The following SGCZ variants were observed in gnomAD, a reference collection of about 807,000 sequenced individuals.
SGCZ encodes the protein sarcoglycan zeta, also known as zeta-sarcoglycan.
Under a neutral mutation model 41.3 loss-of-function variants are expected in SGCZ, and 40 were observed. The ratio of observed to expected loss-of-function variants is 0.97; its 90% confidence interval spans 0.75 to 1.26. The LOEUF (loss-of-function observed/expected upper bound fraction) is 1.26, where lower values mean the gene tolerates loss of function less well. SGCZ is among the 50% of genes most tolerant of loss of function. The pLI is 0.00. For missense variants in SGCZ, 552 were observed against 369.8 expected, an observed-to-expected ratio of 1.49 and a Z score of -4.04; for synonymous variants, 206 against 137.5, an observed-to-expected ratio of 1.50 and a Z score of -3.49.
In SGCZ at chr8:14,339,853, G is replaced by A. The variant is rs533949274; in HGVS notation, c.235-15649C>T. Among the ~76,000 whole-genome samples the A allele has an allele frequency of 3.3e-5, 5 of 151,718 alleles. No homozygotes were observed. The East Asian group carries it at 7.8e-4, about 24-fold the overall frequency. ...ACGAATATATTGGAAAAAACACATGGGAATGAAATAATTACTAAAAAGAAT... is the reference window on the plus strand; with the variant it reads ...ACGAATATATTGGAAAAAACACATGAGAATGAAATAATTACTAAAAAGAAT... On this transcript the variant is annotated intron_variant, in intron 2 of 7. Coordinates refer to ENST00000382080, the MANE Select transcript of SGCZ (RefSeq NM_139167.4).
intron 1 of SGCZ, among the ~76,000 whole-genome samples, chr8:14,704,763 C>T (rs190158349): frequency 5.9e-5 from 9 of 151,864 alleles, no homozygotes; most frequent in African/African-American, 1.9e-4. Flanking sequence ...GATGCTACTC[C>T]CTTCCTTCTA....
At chr8:14,552,815 T>G (rs1803913251) in intron 2 of SGCZ, among the ~76,000 whole-genome samples, 1 of 152,034 alleles carries the variant, frequency 6.6e-6, no homozygotes, top group Admixed American at 6.6e-5. Context: ...TTTTCCTAAT[T>G]AATTTAAATA....
intron 2 of SGCZ, among the ~76,000 whole-genome samples, chr8:14,337,158 C>A (rs1292278858): frequency 2.6e-5 from 4 of 152,140 alleles, no homozygotes; most frequent in Non-Finnish European, 4.4e-5. Flanking sequence ...GGCTGGAACT[C>A]CCCAGCTGAT....
chr8:14,530,757 A>G (rs1316116256), intron 2 of SGCZ, among the ~76,000 whole-genome samples: 9 of 148,006 alleles, frequency 6.1e-5, no homozygotes, highest in Non-Finnish European at 1.1e-4. Context: ...CTGAGGCTGG[A>G]CCATCCCTTT....
chr8:14,438,823 A>C (rs1800163896), intron 2 of SGCZ, among the ~76,000 whole-genome samples: 1 of 152,100 alleles, frequency 6.6e-6, no homozygotes, highest in African/African-American at 2.4e-5. Context: ...TTAACATCAT[A>C]TTCTTCGACT....
intron 1 of SGCZ, among the ~76,000 whole-genome samples, chr8:15,103,286 A>T (rs375697165): frequency 1.6e-4 from 24 of 152,204 alleles, no homozygotes; most frequent in African/African-American, 5.3e-4. Context: ...CTGTATACCC[A>T]GCTACTGGGG....
intron 1 of SGCZ, among the ~76,000 whole-genome samples, chr8:15,229,964 CA>C (rs1801891773): frequency 1.3e-5 from 2 of 152,174 alleles, no homozygotes; most frequent in African/African-American, 4.8e-5. Flanking sequence ...GTAATTAAAG[CA>C]TTGCATGCCT....
At chr8:14,752,318 A>G (rs575032461) in intron 1 of SGCZ, among the ~76,000 whole-genome samples, 63 of 152,300 alleles carry the variant, frequency 4.1e-4, no homozygotes, top group African/African-American at 1.5e-3. Flanking sequence ...TATTATGTTT[A>G]TAAATGCAAT....
chr8:14,545,505 A>G (rs1314144336), intron 2 of SGCZ, among the ~76,000 whole-genome samples: 1 of 151,998 alleles, frequency 6.6e-6, no homozygotes, highest in Non-Finnish European at 1.5e-5. Context: ...CTTTTTCTAA[A>G]TGTCCTACTA....
At chr8:14,407,886 G>T (rs1021621476) in intron 2 of SGCZ, among the ~76,000 whole-genome samples, 5 of 152,152 alleles carry the variant, frequency 3.3e-5, no homozygotes, top group African/African-American at 1.2e-4. Context: ...AATGCTGGCT[G>T]TCAGGAGAAA....
At chr8:14,287,002 G>C (rs1800658642) in intron 3 of SGCZ, among the ~76,000 whole-genome samples, 2 of 151,688 alleles carry the variant, frequency 1.3e-5, no homozygotes, top group African/African-American at 4.8e-5. Context: ...GTGCATATTA[G>C]CCATGTTTTT....
chr8:14,835,546 C>CGT (rs1802668147), intron 1 of SGCZ, among the ~76,000 whole-genome samples: 12 of 152,196 alleles, frequency 7.9e-5, no homozygotes, highest in African/African-American at 2.7e-4. Flanking sequence ...CCTTGACACA[C>CGT]CGCTTACCTG....
chr8:14,742,762 C>G (rs1799231770), intron 1 of SGCZ, among the ~76,000 whole-genome samples: 1 of 151,966 alleles, frequency 6.6e-6, no homozygotes, highest in Non-Finnish European at 1.5e-5. Flanking sequence ...TTTTAGTGTA[C>G]AAACATAAGG....
At chr8:14,531,998 A>G (rs1803147148) in intron 2 of SGCZ, among the ~76,000 whole-genome samples, 1 of 152,122 alleles carries the variant, frequency 6.6e-6, no homozygotes, top group Admixed American at 6.6e-5. Flanking sequence ...TTTGTCAAAC[A>G]AATGTAAAAG....
intron 1 of SGCZ, among the ~76,000 whole-genome samples, chr8:14,885,985 TTATATATATATATA>T (rs71209089): frequency 0.049 from 2,757 of 55,992 alleles, 131 homozygotes; most frequent in Admixed American, 0.16. Flanking sequence ...GGACTTTATG[TTATATATATATATA>T]TATATATATA....
At chr8:14,538,665 C>A (rs552289885) in intron 2 of SGCZ, among the ~76,000 whole-genome samples, 65 of 152,052 alleles carry the variant, frequency 4.3e-4, no homozygotes, top group African/African-American at 1.5e-3. Context: ...AAAGCAAAAG[C>A]ATCTACCAGC....
intron 2 of SGCZ, among the ~76,000 whole-genome samples, chr8:14,395,456 G>C (rs1798887295): frequency 6.6e-6 from 1 of 152,150 alleles, no homozygotes; most frequent in Non-Finnish European, 1.5e-5. Context: ...TTTACAAAGG[G>C]TGGGTTCCCA....
intron 1 of SGCZ, among the ~76,000 whole-genome samples, chr8:14,955,082 T>C (rs1410585781): frequency 2.0e-5 from 3 of 152,160 alleles, no homozygotes; most frequent in Non-Finnish European, 4.4e-5. Context: ...CTAAACCACC[T>C]TCTCCTTTTT....
At chr8:14,678,877 A>G (rs927049148) in intron 1 of SGCZ, among the ~76,000 whole-genome samples, 1 of 152,186 alleles carries the variant, frequency 6.6e-6, no homozygotes, top group Non-Finnish European at 1.5e-5. Flanking sequence ...CAAGCTATGA[A>G]AAGATATAGA....
Sources: gnomAD v4.1 joint callset for allele counts (sites outside exome capture counted in the v4.1 genomes callset) on GRCh38, gnomAD v4.1.1 for gene constraint, MANE v1.5 for transcripts, NCBI Gene and HGNC (gene_info 2026-07-23, HGNC 2026-07-21) for gene names.